The following LCT variants were observed in gnomAD, a reference collection of about 807,000 sequenced individuals.
The protein encoded by LCT is lactase/phlorizin hydrolase.
Under a neutral mutation model 173.0 loss-of-function variants are expected in LCT, and 90 were observed. That is an observed-to-expected ratio of 0.52 (90% CI 0.44 to 0.62). LCT has a LOEUF of 0.62. LCT is among the 20% of genes least tolerant of loss of function. The probability of loss-of-function intolerance (pLI) is 0.00; values close to 1 mark genes in which losing one functional copy is unlikely to be tolerated. For missense variants in LCT, 1,864 were observed against 2,431.4 expected, an observed-to-expected ratio of 0.77 and a Z score of 4.91; for synonymous variants, 853 against 957.6, an observed-to-expected ratio of 0.89 and a Z score of 2.02.
At chr2:135,799,884 C>T (rs1226420538) in intron 12 of LCT, among the ~76,000 whole-genome samples, 1 of 152,184 alleles carries the variant, frequency 6.6e-6, no homozygotes, top group South Asian at 2.1e-4. Context: ...TTAAGAAATG[C>T]CTAGGCTGGA....
chr2:135,826,112 C>T (rs1277043437), intron 3 of LCT, among the ~76,000 whole-genome samples: 1 of 152,176 alleles, frequency 6.6e-6, no homozygotes, highest in African/African-American at 2.4e-5. Context: ...GAGGGGCCAA[C>T]CCTACCCAAG....
chr2:135,815,949 C>T (rs2105541131), intron 6 of LCT, among the ~76,000 whole-genome samples: 1 of 152,226 alleles, frequency 6.6e-6, no homozygotes, highest in Non-Finnish European at 1.5e-5. Context: ...GATCTGCCTG[C>T]CTTGGCCTCC....
intron 14 of LCT, among the ~76,000 whole-genome samples, chr2:135,792,895 G>A (rs1014156640): frequency 6.6e-6 from 1 of 152,138 alleles, no homozygotes; most frequent in African/African-American, 2.4e-5. Context: ...CCTGGCCAAC[G>A]TAGGGCAACC....
At position 135,787,895 on chromosome 2, in the gene LCT, T is replaced by G. The variant is rs77631953; in HGVS notation, c.*429A>C. 0.011 allele frequency: 2,157 copies of G among 195,960 alleles called. 31 individuals are homozygous for G. The highest frequency in any genetic ancestry group is 0.038 in the South Asian group (429 of 11,260). 12.1% of individuals were successfully genotyped at this position (195,960 alleles called of 1,614,324 possible). ...TTCTGGAAAACACAAGATGTGAAGC[T>G]AGGGAGAGCTTGCAGAAGGGCAGGA... On this transcript the variant is annotated 3_prime_UTR_variant, in exon 17 of 17. Coordinates refer to ENST00000264162, the MANE Select transcript of LCT (RefSeq NM_002299.4).
At chr2:135,791,471 G>C (rs1320568037) in intron 14 of LCT, among the ~76,000 whole-genome samples, 1 of 152,228 alleles carries the variant, frequency 6.6e-6, no homozygotes, top group Admixed American at 6.5e-5. Context: ...GTGCCTGCTG[G>C]GGGAGGCCAC....
intron 2 of LCT, among the ~76,000 whole-genome samples, chr2:135,830,208 T>G (rs2077924256): frequency 6.6e-6 from 1 of 152,298 alleles, no homozygotes; most frequent in Admixed American, 6.5e-5. Flanking sequence ...AGCTAGGGCC[T>G]GTGGAGTACG....
At chr2:135,803,902 G>A (rs939187664) in intron 11 of LCT, 28 bp downstream of exon 11, 1 of 1,597,144 alleles carries the variant, frequency 6.3e-7, no homozygotes, top group Non-Finnish European at 8.6e-7. Flanking sequence ...ATGATTCAAA[G>A]AGCCTATGAG....
Position 135,798,120 on chromosome 2 carries a change from C to T in LCT, c.4885G>A (p.Ala1629Thr). The T allele has an allele frequency of 6.2e-7, 1 of 1,606,118 alleles. No individual in the cohort carries two copies. The highest frequency in any genetic ancestry group is 8.5e-7 in the Non-Finnish European group (1 of 1,172,494). Residue 1629 changes from alanine to threonine, a missense_variant, in exon 13 of 17, where the codon GCA becomes ACA. By Grantham distance (58) the Ala-to-Thr change is moderately conservative. Transcript: ENST00000264162. Reference sequence around the variant, plus strand: ...TCTCCATTCTTGAAAATAGGATGTGCAAACCAGCCTCCCATGAACTGCGGG... The same window carrying T: ...TCTCCATTCTTGAAAATAGGATGTGTAAACCAGCCTCCCATGAACTGCGGG... ...RYVQFMGGWF[A>T]HPIFKNGDYN...
Position 135,788,463 on chromosome 2 carries a change from G to C in LCT, c.5645C>G (p.Thr1882Arg). 1 of 1,613,608 alleles carries C rather than the reference G, an allele frequency of 6.2e-7. No individual in the cohort carries two copies. The highest frequency in any genetic ancestry group is 1.1e-5 in the South Asian group (1 of 91,046). ...AAGAGAAAAGAGAACGTACAAAGCT[G>C]TCTGTGCTTCTGTGGTGCCGAGCAT... ...GLMLGTTEAQ[T>R]ALYVLFSLVL... The change falls in exon 17 of 17, where the codon ACA (threonine) becomes AGA (arginine). Residue 1882 changes from threonine (T) to arginine (R), a missense_variant. Coordinates refer to ENST00000264162, the MANE Select transcript of LCT (RefSeq NM_002299.4).
intron 14 of LCT, among the ~76,000 whole-genome samples, chr2:135,793,379 C>G (rs1004160979): frequency 3.3e-5 from 5 of 152,182 alleles, no homozygotes; most frequent in African/African-American, 1.2e-4. Context: ...ATGGCAATCA[C>G]TGCAGTCTGG....
intron 14 of LCT, 49 bp downstream of exon 14, chr2:135,794,592 T>A (rs1244608904): frequency 1.9e-6 from 3 of 1,604,080 alleles, no homozygotes; most frequent in African/African-American, 2.7e-5. Context: ...CAAGGGCACC[T>A]TTCTGCCTTT....
intron 7 of LCT, chr2:135,810,199 G>A: frequency 3.6e-6 from 2 of 559,336 alleles, no homozygotes; most frequent in Non-Finnish European, 6.3e-6. Flanking sequence ...AGTGAGAAGG[G>A]GGAGAAGGGT....
At chr2:135,804,637 C>T in intron 10 of LCT, 130 bp downstream of exon 10, 2 of 939,284 alleles carry the variant, frequency 2.1e-6, no homozygotes, top group Non-Finnish European at 3.3e-6. Context: ...GAGACTACGT[C>T]TCAAAAACAA....
chr2:135,792,741 C>T (rs2105518806), intron 14 of LCT, among the ~76,000 whole-genome samples: 1 of 152,330 alleles, frequency 6.6e-6, no homozygotes. Context: ...CAGCAAGCCT[C>T]ACCCGAGGAG....
chr2:135,827,647 A>T (rs2105552702), intron 3 of LCT, among the ~76,000 whole-genome samples: 1 of 152,318 alleles, frequency 6.6e-6, no homozygotes, highest in South Asian at 2.1e-4. Flanking sequence ...CATAAGGAGC[A>T]CGCAACCTGG....
intron 14 of LCT, among the ~76,000 whole-genome samples, chr2:135,791,776 G>T (rs1320708939): frequency 1.3e-5 from 2 of 152,182 alleles, no homozygotes; most frequent in East Asian, 3.9e-4. Flanking sequence ...CAGTGGGAGT[G>T]GAGGGGCTGG....
chr2:135,809,634 C>A lies in LCT; in HGVS notation c.2713G>T (p.Asp905Tyr). The stretch of plus-strand genomic sequence containing the variant: ...GAGGACACGCCCCACAGAAAGTCAT[C>A]CCGAAACGTCCCGTGGTAGAACAAA... Reference protein sequence around the residue: ...RDLFYHGTFRDDFLWGVSSSA... With the variant: ...RDLFYHGTFRYDFLWGVSSSA... The change falls in exon 8 of 17, where the codon GAT becomes TAT. Residue 905 changes from aspartate to tyrosine, a missense_variant. Asp to Tyr is a radical substitution (Grantham distance 160). This residue lies in a region of LCT where 755 missense variants were observed against 926.3 expected (regional missense o/e 0.82). Transcript: ENST00000264162. This position sits in a 1 kb window ranked among gnomAD's most constrained non-coding sequence, Gnocchi z 5.5. 6.2e-7 allele frequency: 1 copy of A among 1,614,240 alleles called. No homozygotes were observed. Among genetic ancestry groups the A allele is most frequent in the Non-Finnish European group, 8.5e-7 (1 of 1,180,054 alleles).
At position 135,836,848 on chromosome 2, in the gene LCT, T is replaced by C. The variant is rs776191721; in HGVS notation, c.322A>G (p.Lys108Glu). The C allele has an allele frequency of 9.9e-6, 16 of 1,614,090 alleles. No individual in the cohort carries two copies. The South Asian group carries it at 1.2e-4, about 12-fold the overall frequency. Residue 108 changes from lysine (K) to glutamate (E), a missense_variant, in exon 1 of 17, where the codon AAA becomes GAA. By Grantham distance (56) the Lys-to-Glu change is moderately conservative. Transcript: ENST00000264162. ...PAGSTQNPDE[K>E]TVQCYRRLLK... The stretch of plus-strand genomic sequence containing the variant: ...AGTCGCCGGTAGCACTGCACTGTTT[T>C]CTCGTCTGGATTCTGGGTGCTTCCT...
chr2:135,830,701 A>T (rs2077930323), intron 2 of LCT, among the ~76,000 whole-genome samples: 1 of 152,194 alleles, frequency 6.6e-6, no homozygotes, highest in African/African-American at 2.4e-5. Context: ...TTTCTTTCTC[A>T]GTCAAGTTGT....
Sources: gnomAD v4.1 joint callset for allele counts (sites outside exome capture counted in the v4.1 genomes callset) on GRCh38, gnomAD v4.1.1 for gene constraint, gnomAD v4.1.1 regional missense constraint, Gnocchi (gnomAD v3.1) non-coding constraint, MANE v1.5 for transcripts, NCBI Gene and HGNC (gene_info 2026-07-23, HGNC 2026-07-21) for gene names.